Variants in DRC11 observed in about 807,000 individuals in gnomAD.
DRC11 encodes the protein dynein regulatory complex subunit 11.
At chr2:236,358,475 A>AG in the DRC11 span, among the ~76,000 whole-genome samples, 1 of 144,234 alleles carries the variant, frequency 6.9e-6, no homozygotes, top group Admixed American at 7.0e-5. Flanking sequence ...TTTGATAAAT[A>AG]TTTGACAAAT....
chr2:236,461,435 G>T, the DRC11 span, among the ~76,000 whole-genome samples: 1 of 152,174 alleles, frequency 6.6e-6, no homozygotes, highest in Admixed American at 6.5e-5. The surrounding 1 kb of genome is among the most constrained non-coding windows in gnomAD (Gnocchi z 4.0). Flanking sequence ...GATTGCAACT[G>T]CACAAAATCA....
chr2:236,498,299 AC>A, the DRC11 span, among the ~76,000 whole-genome samples: 2 of 146,888 alleles, frequency 1.4e-5, no homozygotes, highest in African/African-American at 5.3e-5. Context: ...CTACTAAAAT[AC>A]AAAAAAAAAA....
the DRC11 span, among the ~76,000 whole-genome samples, chr2:236,444,183 CTTTAG>C: frequency 7.2e-5 from 11 of 152,296 alleles, no homozygotes; most frequent in South Asian, 1.7e-3. Flanking sequence ...TGCAGAAACT[CTTTAG>C]TTTAATTAGA....
At chr2:236,326,619 A>G in the DRC11 span, among the ~76,000 whole-genome samples, 1 of 151,976 alleles carries the variant, frequency 6.6e-6, no homozygotes, top group Non-Finnish European at 1.5e-5. Context: ...ATATTTTTTC[A>G]TAATTATCTC....
the DRC11 span, among the ~76,000 whole-genome samples, chr2:236,357,344 A>G: frequency 8.6e-6 from 1 of 115,712 alleles, no homozygotes; most frequent in Non-Finnish European, 1.6e-5. Flanking sequence ...ATGAATATAT[A>G]TATTATATGT....
chr2:236,406,034 AACTG>A, the DRC11 span, among the ~76,000 whole-genome samples: 26 of 152,314 alleles, frequency 1.7e-4, no homozygotes, highest in Admixed American at 1.2e-3. This position sits in a 1 kb window ranked among gnomAD's most constrained non-coding sequence, Gnocchi z 4.7. Context: ...GGTTTATGGA[AACTG>A]ACCATTTTTC....
the DRC11 span, among the ~76,000 whole-genome samples, chr2:236,459,492 CGTATATATGTATACGTATACGTATACAT>C: frequency 8.5e-3 from 1,079 of 127,252 alleles, 47 homozygotes; most frequent in East Asian, 0.13. Flanking sequence ...AATATGTATA[CGTATATATGTATACGTATACGTATACAT>C]GTATACATGT....
At chr2:236,499,890 T>C in the DRC11 span, among the ~76,000 whole-genome samples, 1 of 152,276 alleles carries the variant, frequency 6.6e-6, no homozygotes, top group African/African-American at 2.4e-5. This position sits in a 1 kb window ranked among gnomAD's most constrained non-coding sequence, Gnocchi z 4.7. Context: ...TCTTCTACAT[T>C]CCCAAGTCAT....
At chr2:236,335,438 C>G in the DRC11 span, among the ~76,000 whole-genome samples, 1 of 152,120 alleles carries the variant, frequency 6.6e-6, no homozygotes, top group Non-Finnish European at 1.5e-5. This position sits in a 1 kb window ranked among gnomAD's most constrained non-coding sequence, Gnocchi z 5.6. Flanking sequence ...ACCCAGGGCC[C>G]CAGAGAAGTG....
At chr2:236,506,031 G>A in the DRC11 span, among the ~76,000 whole-genome samples, 2 of 152,182 alleles carry the variant, frequency 1.3e-5, no homozygotes, top group African/African-American at 2.4e-5. The surrounding 1 kb of genome is among the most constrained non-coding windows in gnomAD (Gnocchi z 4.9). Flanking sequence ...ATCAGCTCCT[G>A]TCAAGGTCAC....
chr2:236,488,116 G>A, the DRC11 span: 10 of 1,610,642 alleles, frequency 6.2e-6, no homozygotes, highest in Non-Finnish European at 8.5e-6. Flanking sequence ...GCCCTTAGGC[G>A]ACCTTGCCGT....
chr2:236,331,310 C>CGT, the DRC11 span: 18 of 1,291,012 alleles, frequency 1.4e-5, no homozygotes, highest in Non-Finnish European at 1.8e-5. The surrounding 1 kb of genome is among the most constrained non-coding windows in gnomAD (Gnocchi z 4.8). Flanking sequence ...GAGGAGGCAG[C>CGT]GTGAGGAGTG....
the DRC11 span, chr2:236,507,162 G>GAAAAGAA: frequency 1.5e-6 from 2 of 1,365,090 alleles, no homozygotes; most frequent in South Asian, 2.4e-5. Flanking sequence ...GAGGAGAAAA[G>GAAAAGAA]AAAAGAAAAA....
the DRC11 span, chr2:236,507,169 A>G: frequency 0.015 from 20,672 of 1,416,954 alleles, 563 homozygotes; most frequent in East Asian, 0.12. Context: ...AAAGAAAAGA[A>G]AAAAGAAAAT....
At chr2:236,314,752 G>C in the DRC11 span, among the ~76,000 whole-genome samples, 1 of 151,652 alleles carries the variant, frequency 6.6e-6, no homozygotes, top group Admixed American at 6.6e-5. The surrounding 1 kb of genome is among the most constrained non-coding windows in gnomAD (Gnocchi z 4.5). Flanking sequence ...GGAAAGATGT[G>C]TAAGATATCT....
the DRC11 span, among the ~76,000 whole-genome samples, chr2:236,335,666 T>C: frequency 1.3e-5 from 2 of 152,224 alleles, no homozygotes; most frequent in Non-Finnish European, 2.9e-5. This position sits in a 1 kb window ranked among gnomAD's most constrained non-coding sequence, Gnocchi z 5.6. Flanking sequence ...GAAACCATTC[T>C]GTCCAGAGTC....
chr2:236,327,927 C>T, the DRC11 span, among the ~76,000 whole-genome samples: 6 of 152,192 alleles, frequency 3.9e-5, no homozygotes, highest in African/African-American at 1.4e-4. Flanking sequence ...GGTGATCTGC[C>T]CGCCTTGATT....
chr2:236,363,525 G>A, the DRC11 span, among the ~76,000 whole-genome samples: 2 of 152,346 alleles, frequency 1.3e-5, no homozygotes, highest in South Asian at 4.1e-4. This position sits in a 1 kb window ranked among gnomAD's most constrained non-coding sequence, Gnocchi z 5.6. Context: ...AATGAGACAT[G>A]AAAGCATTTC....
chr2:236,384,549 T>G, the DRC11 span, among the ~76,000 whole-genome samples: 1 of 152,214 alleles, frequency 6.6e-6, no homozygotes, highest in Non-Finnish European at 1.5e-5. Flanking sequence ...CATTGTAGAT[T>G]CTGGATATTA....
Sources: allele counts gnomAD v4.1 joint callset (sites outside exome capture counted in the v4.1 genomes callset), GRCh38; gene constraint gnomAD v4.1.1; non-coding constraint Gnocchi (gnomAD v3.1); transcripts MANE v1.5; gene names NCBI Gene and HGNC (gene_info 2026-07-23, HGNC 2026-07-21).